Variants in PTPN18 observed in about 807,000 individuals in gnomAD.
PTPN18 encodes tyrosine-protein phosphatase non-receptor type 18.
In PTPN18, 65 loss-of-function variants were observed where a neutral mutation model predicts 65.4. The observed-to-expected ratio is 0.99, with a 90% CI of 0.81 to 1.22. The LOEUF (loss-of-function observed/expected upper bound fraction) is 1.22, where lower values mean the gene tolerates loss of function less well. PTPN18 is among the 50% of genes most tolerant of loss of function. The pLI, the probability that PTPN18 is intolerant of heterozygous loss-of-function variation, is 0.00. For missense variants in PTPN18, 616 were observed against 646.5 expected (o/e 0.95, Z 0.51); for synonymous variants, 255 against 267.8 (o/e 0.95, Z 0.47).
chr2:130,373,171 A>T lies in PTPN18; in HGVS notation c.1330A>T (p.Ile444Phe), dbSNP rs1226477463. Residue 444 changes from isoleucine (I) to phenylalanine (F), a missense_variant, in exon 15 of 15, where the codon ATT becomes TTT. Transcript: ENST00000175756. This position sits in a 1 kb window ranked among gnomAD's most constrained non-coding sequence, Gnocchi z 4.1. ...QTGGLGFNLR[I>F]GRPKGPRDPP... Reference sequence around the variant, plus strand: ...TCTTCTCCCAGGTTTCAACCTGCGCATTGGGAGGCCGAAGGGTCCCCGGGA... The same window carrying T: ...TCTTCTCCCAGGTTTCAACCTGCGCTTTGGGAGGCCGAAGGGTCCCCGGGA... 1.2e-6 allele frequency: 2 copies of T among 1,600,154 alleles called. No individual in the cohort carries two copies. Among genetic ancestry groups the T allele is most frequent in the Admixed American group, 3.5e-5 (2 of 57,548 alleles).
intron 5 of PTPN18, among the ~76,000 whole-genome samples, chr2:130,360,348 G>A (rs753837605): frequency 6.6e-6 from 1 of 152,182 alleles, no homozygotes; most frequent in Non-Finnish European, 1.5e-5. Context: ...ATAAATGCAT[G>A]TCAATATTGA....
intron 5 of PTPN18, among the ~76,000 whole-genome samples, chr2:130,362,822 T>C (rs1680261213): frequency 6.6e-6 from 1 of 152,048 alleles, no homozygotes; most frequent in Non-Finnish European, 1.5e-5. Context: ...TTGTTTTTGT[T>C]TTTGTTTTTG....
chr2:130,371,376 C>T, intron 12 of PTPN18, 89 bp downstream of exon 12: 2 of 1,173,590 alleles, frequency 1.7e-6, no homozygotes. Context: ...GTTCCTTGTT[C>T]ACTTCGCCAA....
At chr2:130,358,146 T>C (rs957077582) in intron 1 of PTPN18, among the ~76,000 whole-genome samples, 5 of 152,198 alleles carry the variant, frequency 3.3e-5, no homozygotes, top group Non-Finnish European at 7.3e-5. Context: ...CAGGAATCAC[T>C]GCGCTCTTCT....
chr2:130,369,855 AG>A (rs1680497239), intron 7 of PTPN18, 28 bp downstream of exon 7: 1 of 1,566,392 alleles, frequency 6.4e-7, no homozygotes, highest in South Asian at 1.1e-5. Flanking sequence ...GAGGAGGTAA[AG>A]GGGCTCCTGA....
intron 5 of PTPN18, among the ~76,000 whole-genome samples, chr2:130,366,820 G>C (rs2104943039): frequency 6.6e-6 from 1 of 151,796 alleles, no homozygotes; most frequent in East Asian, 1.9e-4. Context: ...TGTATGCAGA[G>C]CTTACTTATT....
At position 130,373,454 on chromosome 2, in the gene PTPN18, AAAG is replaced by A. The variant is rs1558849577; in HGVS notation, c.*235_*237del. 4 of 445,728 alleles carry A rather than the reference AAAG, an allele frequency of 9.0e-6. No homozygotes were observed. Among genetic ancestry groups the A allele is most frequent in the Non-Finnish European group, 7.9e-6 (2 of 252,086 alleles). 27.6% of individuals were successfully genotyped at this position (445,728 alleles called of 1,614,324 possible). On this transcript the variant is annotated 3_prime_UTR_variant, in exon 15 of 15. Transcript: ENST00000175756. This position sits in a 1 kb window ranked among gnomAD's most constrained non-coding sequence, Gnocchi z 4.1. ...TGAGGCTGCACAGAGCAGATTCAAG[AAAG>A]AAGATCAGGAAGGGGCATGACCCCT...
At position 130,375,240 on chromosome 2, in the gene PTPN18, C is replaced by T. The variant is rs1010076102; in HGVS notation, c.*2016C>T. On this transcript the variant is annotated 3_prime_UTR_variant, in exon 15 of 15. Coordinates refer to ENST00000175756, the MANE Select transcript of PTPN18 (RefSeq NM_014369.4). ...TCCTCCACAGCCCTGATAAAATCTC[C>T]AAGTCTCCCAGTTTCGGGTCCCTCT... 6.5e-6 allele frequency: 1 copy of T among 153,464 alleles called. No homozygotes were observed. Among genetic ancestry groups the T allele is most frequent in the African/African-American group, 2.4e-5 (1 of 41,434 alleles). The allele number at this position is 153,464 out of a possible 1,614,324, so 9.5% of individuals were successfully genotyped here.
Position 130,373,077 on chromosome 2 carries a change from G to T in PTPN18, c.1316-80G>T. 1 of 1,543,468 alleles carries T rather than the reference G, an allele frequency of 6.5e-7. No homozygotes were observed. Among genetic ancestry groups the T allele is most frequent in the Non-Finnish European group, 8.8e-7 (1 of 1,130,666 alleles). ...GTGAACCAGGAGGACCTGGAGGCGG[G>T]GGGATGGCCTTCTTCATGTCTGCCA... On this transcript the variant is annotated intron_variant, in intron 14 of 14. Coordinates refer to ENST00000175756, the MANE Select transcript of PTPN18 (RefSeq NM_014369.4). This position sits in a 1 kb window ranked among gnomAD's most constrained non-coding sequence, Gnocchi z 4.1.
rs565827886 is a variant in PTPN18, at chr2:130,359,747, G to A, written c.414+101G>A. On this transcript the variant is annotated intron_variant, in intron 5 of 14. Transcript: ENST00000175756. The stretch of plus-strand genomic sequence containing the variant: ...CCCAGGACCCGAGGGTCCAGCTCTT[G>A]GAGTGACCTTATTGTAGCTCTGTGG... 7.3e-6 allele frequency: 10 copies of A among 1,377,744 alleles called. No individual in the cohort carries two copies. In the South Asian group the frequency reaches 1.2e-4, roughly 17 times the overall value. 85.3% of individuals were successfully genotyped at this position (1,377,744 alleles called of 1,614,324 possible). A position where few individuals can be genotyped will look rare whatever the true frequency, so the allele number is the denominator to read the frequency against.
At chr2:130,369,695 T>TA (rs1680491591) in intron 6 of PTPN18, 70 bp from the exon 7 acceptor site, 5 of 1,444,422 alleles carry the variant, frequency 3.5e-6, no homozygotes, top group Non-Finnish European at 4.8e-6. Flanking sequence ...TTGCTTTCTA[T>TA]AAATGTCTTC....
At chr2:130,364,002 G>A (rs55960156) in intron 5 of PTPN18, among the ~76,000 whole-genome samples, 5,324 of 150,396 alleles carry the variant, frequency 0.035, 310 homozygotes, top group African/African-American at 0.12. Context: ...ATGCCATTGT[G>A]TCTTTCTTTA....
rs1425295014 is a variant in PTPN18 at position 130,372,116 on chromosome 2, C to G, written c.1014-141C>G. ...CGCTAGGGACACAGAAGCGAGGCCT[C>G]CAACCCAAGGAGCCCTCCCTCCCAT... On this transcript the variant is annotated intron_variant, in intron 12 of 14. Transcript: ENST00000175756. The G allele has an allele frequency of 7.8e-6, 6 of 769,750 alleles. No homozygotes were observed. In the Admixed American group the frequency reaches 1.8e-4, roughly 23 times the overall value. 47.7% of individuals were successfully genotyped at this position (769,750 alleles called of 1,614,324 possible).
chr2:130,359,631 G>A lies in PTPN18; in HGVS notation c.399G>A (p.Glu133=), dbSNP rs897883532. The A allele has an allele frequency of 6.2e-7, 1 of 1,614,156 alleles. No individual in the cohort carries two copies. Among genetic ancestry groups the A allele is most frequent in the African/African-American group, 1.3e-5 (1 of 75,040 alleles). The change falls in exon 5 of 15, where the codon GAG becomes GAA. Residue 133 remains glutamate (E), a synonymous_variant. Transcript: ENST00000175756. Reference sequence around the variant, plus strand: ...AGGTGATCCTGATGGCCTGTCGAGAGATAGAGAATGGGCGGGTAGGTGCCC... The same window carrying A: ...AGGTGATCCTGATGGCCTGTCGAGAAATAGAGAATGGGCGGGTAGGTGCCC... ...GVKVILMACR[E]IENGRKRCER...
intron 5 of PTPN18, among the ~76,000 whole-genome samples, chr2:130,364,635 A>G (rs1159327950): frequency 6.6e-6 from 1 of 152,138 alleles, no homozygotes; most frequent in Non-Finnish European, 1.5e-5. Flanking sequence ...CCTCTACTAA[A>G]AATACAAAAA....
chr2:130,365,481 T>C (rs191924029), intron 5 of PTPN18, among the ~76,000 whole-genome samples: 63 of 152,374 alleles, frequency 4.1e-4, no homozygotes, highest in Non-Finnish European at 8.2e-4. Flanking sequence ...TTATTCTGTA[T>C]ATAAGTCCCT....
At chr2:130,364,030 T>C (rs1680309827) in intron 5 of PTPN18, among the ~76,000 whole-genome samples, 1 of 152,082 alleles carries the variant, frequency 6.6e-6, no homozygotes, top group African/African-American at 2.4e-5. Context: ...TGGTAAAATA[T>C]ACATAACATA....
intron 5 of PTPN18, chr2:130,362,156 A>G (rs1680236690): frequency 2.1e-6 from 1 of 470,122 alleles, no homozygotes; most frequent in African/African-American, 2.0e-5. Context: ...TTTCTTGTAG[A>G]GATTAAGTCT....
At chr2:130,357,965 A>G (rs1393729606) in intron 1 of PTPN18, among the ~76,000 whole-genome samples, 3 of 152,238 alleles carry the variant, frequency 2.0e-5, no homozygotes, top group Non-Finnish European at 2.9e-5. Flanking sequence ...TGTAAAATAT[A>G]TAATTATACA....
Sources: allele counts gnomAD v4.1 joint callset (sites outside exome capture counted in the v4.1 genomes callset), GRCh38; gene constraint gnomAD v4.1.1; non-coding constraint Gnocchi (gnomAD v3.1); transcripts MANE v1.5; gene names NCBI Gene and HGNC (gene_info 2026-07-23, HGNC 2026-07-21).